The following AFF4 variants were observed in gnomAD, a reference collection of about 807,000 sequenced individuals.
AFF4 encodes ALF transcription elongation factor 4.
AFF4 carries 13 observed loss-of-function variants against 124.8 expected under a neutral mutation model. That is an observed-to-expected ratio of 0.10 (90% CI 0.07 to 0.17). The LOEUF is 0.17. Ranked by LOEUF, AFF4 falls within the 10% of genes least tolerant of loss-of-function variation. The pLI is 1.00. For missense variants in AFF4, 1,092 were observed against 1,403.8 expected, an observed-to-expected ratio of 0.78 and a Z score of 3.55; for synonymous variants, 477 against 496.1, an observed-to-expected ratio of 0.96 and a Z score of 0.51.
chr5:132,881,827 G>GTTTTTT (rs749611038), intron 20 of AFF4, among the ~76,000 whole-genome samples: 2 of 130,188 alleles, frequency 1.5e-5, no homozygotes, highest in Non-Finnish European at 3.3e-5. Flanking sequence ...ATACAAAAAA[G>GTTTTTT]TTTTTTTTTT....
chr5:132,882,662 C>G lies in AFF4; in HGVS notation c.3364+678G>C, dbSNP rs529147409. Among the ~76,000 whole-genome samples the G allele has an allele frequency of 2.6e-5, 4 of 152,100 alleles. No individual in the cohort carries two copies. The East Asian group carries it at 7.7e-4, about 29-fold the overall frequency. ...ACGAGGTCAGCAGTTCAAGACCAGC[C>G]TGGTTCACATGGTGAAACCCCATCT... is the stretch of plus-strand genomic sequence containing the variant. On this transcript the variant is annotated intron_variant, in intron 20 of 20. Transcript: ENST00000265343.
Position 132,957,019 on chromosome 5 carries a change from CAAAAAAAAAAA to C in AFF4, c.-5+6229_-5+6239del, listed in dbSNP as rs1180577709. ...TGGGTGACAGTGTGAGACTTCGTCT[CAAAAAAAAAAA>C]AAAAAAAAAAAAAAAAAAACAGAAA... On this transcript the variant is annotated intron_variant, in intron 1 of 20. Transcript: ENST00000265343. 6.6e-4 allele frequency among the ~76,000 whole-genome samples: 27 copies of C among 40,812 alleles called. No homozygotes were observed. The East Asian group carries it at 0.017, about 25-fold the overall frequency. The allele number at this position is 40,812 out of a possible 152,430, so 26.8% of individuals were successfully genotyped here. A position where few individuals can be genotyped will look rare whatever the true frequency, so the allele number is the denominator to read the frequency against.
intron 5 of AFF4, among the ~76,000 whole-genome samples, chr5:132,911,316 A>G (rs1017560524): frequency 1.3e-5 from 2 of 152,188 alleles, no homozygotes; most frequent in African/African-American, 4.8e-5. Flanking sequence ...AATCTTTGTC[A>G]TTAATAAAGA....
intron 8 of AFF4, 137 bp downstream of exon 8, chr5:132,899,450 A>AGT (rs1760493086): frequency 1.1e-6 from 1 of 881,832 alleles, no homozygotes; most frequent in South Asian, 2.6e-5. Context: ...ACAGAGAAGA[A>AGT]AACTACAACA....
At chr5:132,937,255 C>G in intron 1 of AFF4, 62 bp from the exon 2 acceptor site, 2 of 1,485,472 alleles carry the variant, frequency 1.3e-6, no homozygotes. Flanking sequence ...ATATTCTGTA[C>G]AGATTTTGTC....
intron 1 of AFF4, among the ~76,000 whole-genome samples, chr5:132,941,273 C>T (rs367997064): frequency 2.6e-4 from 40 of 152,208 alleles, no homozygotes; most frequent in African/African-American, 7.2e-4. Context: ...CTTTGTCAAA[C>T]GGGCAAAACT....
intron 5 of AFF4, among the ~76,000 whole-genome samples, chr5:132,907,107 G>A (rs1254884078): frequency 6.6e-6 from 1 of 152,010 alleles, no homozygotes; most frequent in Non-Finnish European, 1.5e-5. Context: ...AATACTACTG[G>A]ATTCTGTCTC....
intron 20 of AFF4, 91 bp from the exon 21 acceptor site, chr5:132,881,277 A>T (rs1759971534): frequency 7.2e-7 from 1 of 1,380,858 alleles, no homozygotes; most frequent in Admixed American, 2.6e-5. Context: ...CAGCATTCAT[A>T]AACTCAAAAA....
chr5:132,880,174 A>G lies in AFF4; in HGVS notation c.*885T>C. On this transcript the variant is annotated 3_prime_UTR_variant, in exon 21 of 21. Transcript: ENST00000265343. Reference sequence around the variant, plus strand: ...CACAGTAACTTATTCTGTTTCGATTAAGTGTCAAATGATTAGCAACAAAAA... The same window carrying G: ...CACAGTAACTTATTCTGTTTCGATTGAGTGTCAAATGATTAGCAACAAAAA... 1 of 398,898 alleles carries G rather than the reference A, an allele frequency of 2.5e-6. No homozygotes were observed. Among genetic ancestry groups the G allele is most frequent in the Non-Finnish European group, 4.4e-6 (1 of 225,970 alleles). 24.7% of individuals were successfully genotyped at this position (398,898 alleles called of 1,614,324 possible). A position where few individuals can be genotyped will look rare whatever the true frequency, so the allele number is the denominator to read the frequency against.
At chr5:132,890,262 CCT>C (rs1239921579) in intron 13 of AFF4, among the ~76,000 whole-genome samples, 1 of 151,628 alleles carries the variant, frequency 6.6e-6, no homozygotes, top group East Asian at 1.9e-4. Context: ...GATAGCTTTT[CCT>C]CTGTTTTATT....
intron 14 of AFF4, 26 bp from the exon 15 acceptor site, chr5:132,888,186 T>C (rs1473149579): frequency 5.8e-6 from 9 of 1,545,776 alleles, no homozygotes; most frequent in Non-Finnish European, 8.0e-6. Context: ...TCATTATAAA[T>C]AGAATAGTAA....
At chr5:132,939,616 T>C (rs930922188) in intron 1 of AFF4, among the ~76,000 whole-genome samples, 1 of 152,222 alleles carries the variant, frequency 6.6e-6, no homozygotes, top group East Asian at 1.9e-4. Context: ...CAACTTCTTT[T>C]TTCTTTTTTT....
rs1032059057 is a variant in AFF4 at position 132,927,294 on chromosome 5, T to C, written c.964-87A>G. 3 of 1,147,414 alleles carry C rather than the reference T, an allele frequency of 2.6e-6. No homozygotes were observed. The African/African-American group carries it at 4.7e-5, about 18-fold the overall frequency. The allele number at this position is 1,147,414 out of a possible 1,614,324, so 71.1% of individuals were successfully genotyped here. On this transcript the variant is annotated intron_variant, in intron 4 of 20. Transcript: ENST00000265343. ...AAACCAGATTTGTATTTATAAATAC[T>C]GGTTTCATGACAGCTCCTCCAAAAT...
At chr5:132,893,495 T>G (rs1345213352) in intron 11 of AFF4, among the ~76,000 whole-genome samples, 1 of 152,220 alleles carries the variant, frequency 6.6e-6, no homozygotes, top group Non-Finnish European at 1.5e-5. Context: ...ATTACCACAA[T>G]GAAATTTTAA....
intron 1 of AFF4, among the ~76,000 whole-genome samples, chr5:132,950,788 C>A (rs1433528220): frequency 6.6e-6 from 1 of 152,224 alleles, no homozygotes; most frequent in Non-Finnish European, 1.5e-5. Context: ...ATCTTCCTAA[C>A]AAAGAACAAT....
chr5:132,886,755 A>T (rs1366744726), intron 17 of AFF4, among the ~76,000 whole-genome samples: 1 of 152,254 alleles, frequency 6.6e-6, no homozygotes, highest in African/African-American at 2.4e-5. Flanking sequence ...TAGGAAACTG[A>T]ACTGCAAATA....
At chr5:132,888,707 T>G (rs569539302) in intron 14 of AFF4, among the ~76,000 whole-genome samples, 8 of 152,300 alleles carry the variant, frequency 5.3e-5, no homozygotes, top group Admixed American at 3.9e-4. Flanking sequence ...ATAGATTTTT[T>G]TTTTTTTTGA....
rs780295162 is a variant in AFF4, at chr5:132,914,081, A to G, written c.1051-9677T>C. Among the ~76,000 whole-genome samples, 5 of 151,832 alleles carry G rather than the reference A, an allele frequency of 3.3e-5. No homozygotes were observed. The East Asian group carries it at 7.8e-4, about 24-fold the overall frequency. On this transcript the variant is annotated intron_variant, in intron 5 of 20. Transcript: ENST00000265343. Reference sequence around the variant, plus strand: ...AGTCTCTACTAAAAATACAAAAATTAGTCAGGCATGGTAGTGTATGCTTGT... The same window carrying G: ...AGTCTCTACTAAAAATACAAAAATTGGTCAGGCATGGTAGTGTATGCTTGT...
At chr5:132,918,405 T>C (rs1760965057) in intron 5 of AFF4, among the ~76,000 whole-genome samples, 1 of 151,664 alleles carries the variant, frequency 6.6e-6, no homozygotes, top group Non-Finnish European at 1.5e-5. Flanking sequence ...CTCATGCCTG[T>C]AATCCCAGCA....
Sources: gnomAD v4.1 joint callset for allele counts (sites outside exome capture counted in the v4.1 genomes callset) on GRCh38, gnomAD v4.1.1 for gene constraint, MANE v1.5 for transcripts, NCBI Gene and HGNC (gene_info 2026-07-23, HGNC 2026-07-21) for gene names.